Variants in SLC10A7 observed in about 807,000 individuals in gnomAD.
SLC10A7 encodes solute carrier family 10 member 7.
A neutral mutation model predicts 43.2 loss-of-function variants in SLC10A7; 29 were observed. That is an observed-to-expected ratio of 0.67 (90% CI 0.50 to 0.92). The LOEUF (loss-of-function observed/expected upper bound fraction) is 0.92, where lower values mean the gene tolerates loss of function less well. SLC10A7 is among the 40% of genes least tolerant of loss of function. The pLI is 0.00. For synonymous variants in SLC10A7, 152 were observed against 144.8 expected, an observed-to-expected ratio of 1.05 and a Z score of -0.35; for missense variants, 295 against 403.2, an observed-to-expected ratio of 0.73 and a Z score of 2.30.
At chr4:146,366,167 C>G (rs958297940) in intron 5 of SLC10A7, among the ~76,000 whole-genome samples, 1 of 152,172 alleles carries the variant, frequency 6.6e-6, no homozygotes, top group African/African-American at 2.4e-5. Flanking sequence ...GGTTGGGAAC[C>G]ACTGCTCTTC....
At chr4:146,302,412 C>T (rs936566485) in intron 7 of SLC10A7, among the ~76,000 whole-genome samples, 5 of 152,074 alleles carry the variant, frequency 3.3e-5, no homozygotes, top group Non-Finnish European at 5.9e-5. Context: ...ATAAACAAAA[C>T]GAATATGGTT....
intron 5 of SLC10A7, among the ~76,000 whole-genome samples, chr4:146,413,063 T>C (rs2149835282): frequency 6.6e-6 from 1 of 152,256 alleles, no homozygotes; most frequent in South Asian, 2.1e-4. Context: ...TAAACTTCTC[T>C]ATTCCTTTAA....
At chr4:146,351,510 G>A (rs1038322268) in intron 5 of SLC10A7, among the ~76,000 whole-genome samples, 2 of 149,488 alleles carry the variant, frequency 1.3e-5, no homozygotes. Flanking sequence ...GCAGGCCAAC[G>A]TTCAGATTCA....
chr4:146,448,838 T>C (rs765560705), intron 4 of SLC10A7, among the ~76,000 whole-genome samples: 1 of 152,142 alleles, frequency 6.6e-6, no homozygotes, highest in South Asian at 2.1e-4. Context: ...TTGGTATTTA[T>C]AAAAAAGACA....
chr4:146,445,396 TGGCC>T (rs886563810), intron 4 of SLC10A7, among the ~76,000 whole-genome samples: 4 of 152,174 alleles, frequency 2.6e-5, no homozygotes, highest in Admixed American at 1.3e-4. Context: ...ACACTGGAAC[TGGCC>T]GGTCGCACCT....
In SLC10A7 at chr4:146,516,150, G is replaced by T. The variant is rs183822522; in HGVS notation, c.183+888C>A. Among the ~76,000 whole-genome samples, 1,237 of 152,040 alleles carry T rather than the reference G, an allele frequency of 8.1e-3. 9 individuals carry two copies. The highest frequency in any genetic ancestry group is 0.014 in the Non-Finnish European group (932 of 67,984). Reference sequence around the variant, plus strand: ...TCCAAAAACAAAATACCTTCTTATAGTGAGATAGTCCCATCTATATAAGAA... The same window carrying T: ...TCCAAAAACAAAATACCTTCTTATATTGAGATAGTCCCATCTATATAAGAA... On this transcript the variant is annotated intron_variant, in intron 2 of 11. Transcript: ENST00000335472.
chr4:146,393,997 T>C (rs1369806285), intron 5 of SLC10A7, among the ~76,000 whole-genome samples: 1 of 152,150 alleles, frequency 6.6e-6, no homozygotes, highest in East Asian at 1.9e-4. Flanking sequence ...TAAGGTAAAA[T>C]TGTTTCAAAG....
chr4:146,287,738 G>A (rs1730130149), intron 9 of SLC10A7, among the ~76,000 whole-genome samples: 1 of 152,202 alleles, frequency 6.6e-6, no homozygotes, highest in African/African-American at 2.4e-5. Flanking sequence ...CGTTTGTGGT[G>A]TTAGGAGCAC....
At chr4:146,381,880 C>T (rs1302578514) in intron 5 of SLC10A7, among the ~76,000 whole-genome samples, 1 of 152,052 alleles carries the variant, frequency 6.6e-6, no homozygotes, top group Admixed American at 6.6e-5. Context: ...CATAAGATTG[C>T]TTAGCCCTAA....
At chr4:146,442,336 C>A in intron 5 of SLC10A7, 1 of 988,832 alleles carries the variant, frequency 1.0e-6, no homozygotes, top group Non-Finnish European at 1.2e-6. Flanking sequence ...TCAGAAGCAT[C>A]CAAGCCAGTA....
At chr4:146,507,921 A>C (rs1737072754) in intron 3 of SLC10A7, among the ~76,000 whole-genome samples, 1 of 152,220 alleles carries the variant, frequency 6.6e-6, no homozygotes, top group Admixed American at 6.5e-5. Context: ...CAACATCTTG[A>C]AGTCAGAATT....
intron 2 of SLC10A7, chr4:146,513,912 AGTTT>A (rs372490281): frequency 6.6e-6 from 1 of 152,242 alleles, no homozygotes; most frequent in Non-Finnish European, 1.5e-5. Flanking sequence ...TCTGCATCAT[AGTTT>A]GTTTATTCAT....
chr4:146,504,035 A>T, intron 3 of SLC10A7, 111 bp from the exon 4 acceptor site: 3 of 871,948 alleles, frequency 3.4e-6, no homozygotes, highest in Non-Finnish European at 5.6e-6. Context: ...GGGCATATTT[A>T]TTGATGCACA....
At position 146,255,526 on chromosome 4, in the gene SLC10A7, T is replaced by C. The variant is rs1379951405; in HGVS notation, c.*965A>G. On this transcript the variant is annotated 3_prime_UTR_variant, in exon 12 of 12. Transcript: ENST00000335472. ...AATAAATTGTCTCAAATACCTTAAG[T>C]GTGCTTAATTCCAGGATGTAACAGG... The C allele has an allele frequency of 6.6e-6, 1 of 152,584 alleles. No individual in the cohort carries two copies. Among genetic ancestry groups the C allele is most frequent in the East Asian group, 1.9e-4 (1 of 5,204 alleles). 9.5% of individuals were successfully genotyped at this position (152,584 alleles called of 1,614,324 possible).
chr4:146,445,344 G>A (rs1156470430), intron 4 of SLC10A7, among the ~76,000 whole-genome samples: 1 of 152,156 alleles, frequency 6.6e-6, no homozygotes, highest in Non-Finnish European at 1.5e-5. Flanking sequence ...CCTTACAGGA[G>A]CGAGCACACA....
At chr4:146,399,833 G>GA (rs1404046124) in intron 5 of SLC10A7, among the ~76,000 whole-genome samples, 2 of 152,076 alleles carry the variant, frequency 1.3e-5, no homozygotes, top group African/African-American at 4.8e-5. Flanking sequence ...ATACTTTTTA[G>GA]ATATCTAGGA....
intron 10 of SLC10A7, among the ~76,000 whole-genome samples, chr4:146,271,329 C>G (rs1728879877): frequency 6.6e-6 from 1 of 152,158 alleles, no homozygotes; most frequent in Non-Finnish European, 1.5e-5. Flanking sequence ...GTAAATGGAT[C>G]CTTACACCCC....
chr4:146,318,440 G>T (rs1732472335), intron 6 of SLC10A7, among the ~76,000 whole-genome samples: 1 of 152,064 alleles, frequency 6.6e-6, no homozygotes, highest in African/African-American at 2.4e-5. Context: ...CACATTCTCT[G>T]CTAAACTTCT....
chr4:146,489,350 T>C (rs1441645347), intron 4 of SLC10A7, among the ~76,000 whole-genome samples: 2 of 152,210 alleles, frequency 1.3e-5, no homozygotes, highest in East Asian at 1.9e-4. Context: ...TGAGTTGACA[T>C]CTTCACTCTA....
Sources: allele counts gnomAD v4.1 joint callset (sites outside exome capture counted in the v4.1 genomes callset), GRCh38; gene constraint gnomAD v4.1.1; transcripts MANE v1.5; gene names NCBI Gene and HGNC (gene_info 2026-07-23, HGNC 2026-07-21).